The following GFM1 variants were observed in gnomAD, a reference collection of about 807,000 sequenced individuals.
GFM1 encodes the protein elongation factor G, mitochondrial.
A neutral mutation model predicts 96.2 loss-of-function variants in GFM1; 62 were observed. That is an observed-to-expected ratio of 0.64 (90% CI 0.53 to 0.80). The LOEUF (loss-of-function observed/expected upper bound fraction) is 0.80, where lower values mean the gene tolerates loss of function less well. Among genes scored for constraint, GFM1 ranks in the 30% least tolerant of loss-of-function variants. The pLI, the probability that GFM1 is intolerant of heterozygous loss-of-function variation, is 0.00. For synonymous variants in GFM1, 282 were observed against 312.9 expected (o/e 0.90, Z 1.04); for missense variants, 852 against 916.6 (o/e 0.93, Z 0.91).
intron 13 of GFM1, among the ~76,000 whole-genome samples, chr3:158,669,870 T>C (rs1041417295): frequency 6.6e-6 from 1 of 152,180 alleles, no homozygotes; most frequent in African/African-American, 2.4e-5. Context: ...AAACTTTCAG[T>C]ATATTTCAGT....
At chr3:158,655,062 T>C (rs776330588) in intron 8 of GFM1, among the ~76,000 whole-genome samples, 1 of 152,182 alleles carries the variant, frequency 6.6e-6, no homozygotes, top group Non-Finnish European at 1.5e-5. Flanking sequence ...TAACATTGGG[T>C]CCATTTCTAG....
At chr3:158,647,645 C>T (rs922209392) in intron 4 of GFM1, among the ~76,000 whole-genome samples, 2 of 152,126 alleles carry the variant, frequency 1.3e-5, no homozygotes, top group Non-Finnish European at 2.9e-5. Flanking sequence ...GACAAAAAAT[C>T]TGATGGAAGT....
At position 158,644,604 on chromosome 3, in the gene GFM1, A is replaced by G. The variant is rs28372853; in HGVS notation, c.-31A>G. On this transcript the variant is annotated 5_prime_UTR_variant, in exon 1 of 18. Coordinates refer to ENST00000486715, the MANE Select transcript of GFM1 (RefSeq NM_024996.7). ...CCGGCAGCTGAACCCACCCGGCGCC[A>G]CGGGACTTTGACGCGTGCTCTGCGC... 3.0e-3 allele frequency: 4,649 copies of G among 1,550,486 alleles called. 91 individuals carry two copies. In the East Asian group the frequency reaches 0.051, roughly 17 times the overall value.
Position 158,675,587 on chromosome 3 carries a change from A to G in GFM1, c.1602-6408A>G, listed in dbSNP as rs371955785. Reference sequence around the variant, plus strand: ...ATATATTGATCAAATGGGCCAAACAAGTTACTGATTCAATCAGTTGTATAA... The same window carrying G: ...ATATATTGATCAAATGGGCCAAACAGGTTACTGATTCAATCAGTTGTATAA... On this transcript the variant is annotated intron_variant, in intron 13 of 17. Transcript: ENST00000486715. Among the ~76,000 whole-genome samples, 72 of 152,218 alleles carry G rather than the reference A, an allele frequency of 4.7e-4. No individual in the cohort carries two copies. The South Asian group carries it at 0.012, about 25-fold the overall frequency.
At chr3:158,677,773 A>G (rs1462553726) in intron 13 of GFM1, among the ~76,000 whole-genome samples, 2 of 152,238 alleles carry the variant, frequency 1.3e-5, no homozygotes, top group Non-Finnish European at 2.9e-5. Context: ...AAGTGCTGGG[A>G]TTACAGGCAT....
intron 8 of GFM1, chr3:158,656,278 C>G (rs1722751443): frequency 5.6e-6 from 1 of 179,066 alleles, no homozygotes; most frequent in African/African-American, 2.4e-5. Context: ...CTCAGCCTCC[C>G]AAGTAGCTGG....
At chr3:158,653,796 C>A (rs1023124017) in intron 7 of GFM1, among the ~76,000 whole-genome samples, 4 of 151,874 alleles carry the variant, frequency 2.6e-5, no homozygotes, top group Non-Finnish European at 5.9e-5. Flanking sequence ...TTCTGCCAGG[C>A]GCAGTGGCTC....
intron 15 of GFM1, among the ~76,000 whole-genome samples, chr3:158,686,449 A>T (rs1429533985): frequency 6.7e-6 from 1 of 149,482 alleles, no homozygotes; most frequent in East Asian, 1.9e-4. Context: ...CTTGGATGCA[A>T]TGCACCATCC....
chr3:158,649,093 G>A lies in GFM1; in HGVS notation c.625G>A (p.Gly209Ser). 1 of 1,580,554 alleles carries A rather than the reference G, an allele frequency of 6.3e-7. No homozygotes were observed. The highest frequency in any genetic ancestry group is 1.1e-5 in the South Asian group (1 of 90,308). Residue 209 changes from glycine (G) to serine (S), a missense_variant, in exon 5 of 18, where the codon GGT becomes AGT. Physicochemically the swap from Gly to Ser is moderately conservative, Grantham distance 56. Coordinates refer to ENST00000486715, the MANE Select transcript of GFM1 (RefSeq NM_024996.7). ...TATGCAGATACCCATGGGTTTGGAG[G>A]GTAATTTTAAAGGTATTGTAGATCT... ...AFMQIPMGLE[G>S]NFKGIVDLIE...
chr3:158,646,136 A>AT (rs767937072), intron 2 of GFM1, 29 bp from the exon 3 acceptor site: 104 of 1,613,842 alleles, frequency 6.4e-5, no homozygotes, highest in Non-Finnish European at 8.7e-5. Flanking sequence ...AGGGACAGAG[A>AT]AAGTCTGAAT....
At chr3:158,673,513 T>TC (rs199664284) in intron 13 of GFM1, among the ~76,000 whole-genome samples, 106 of 105,562 alleles carry the variant, frequency 1.0e-3, no homozygotes, top group East Asian at 5.3e-3. Flanking sequence ...CTTTTCTTTT[T>TC]TTTTTTTTTT....
chr3:158,654,903 T>C (rs901875247), intron 8 of GFM1, among the ~76,000 whole-genome samples: 1 of 152,192 alleles, frequency 6.6e-6, no homozygotes, highest in African/African-American at 2.4e-5. Flanking sequence ...TTATTTAATG[T>C]CACAGTAGAT....
At chr3:158,671,103 G>A (rs1724247744) in intron 13 of GFM1, 6 of 1,340,240 alleles carry the variant, frequency 4.5e-6, no homozygotes, top group Admixed American at 3.2e-5. Flanking sequence ...ATCTCATTTG[G>A]TTGGAGGGGC....
chr3:158,650,085 G>C, intron 5 of GFM1: 1 of 1,518,908 alleles, frequency 6.6e-7, no homozygotes, highest in Non-Finnish European at 8.8e-7. Flanking sequence ...ATTGTGATCA[G>C]TGAACTATAG....
intron 13 of GFM1, among the ~76,000 whole-genome samples, chr3:158,675,870 A>C (rs1332372879): frequency 2.0e-5 from 3 of 152,194 alleles, no homozygotes; most frequent in African/African-American, 7.2e-5. Context: ...TTATTCTTAT[A>C]CATTATAAAA....
chr3:158,694,336 A>C lies in GFM1; in HGVS notation c.*2869A>C, dbSNP rs1215521622. ...TCATCAAACTAACATAGGAAAAGAAAACCAAATACTGCATGTTCTCACTTA... is the reference window on the plus strand; with the variant it reads ...TCATCAAACTAACATAGGAAAAGAACACCAAATACTGCATGTTCTCACTTA... On this transcript the variant is annotated 3_prime_UTR_variant, in exon 18 of 18. Coordinates refer to ENST00000486715, the MANE Select transcript of GFM1 (RefSeq NM_024996.7). Among the ~76,000 whole-genome samples, 1 of 152,210 alleles carries C rather than the reference A, an allele frequency of 6.6e-6. No individual in the cohort carries two copies. Among genetic ancestry groups the C allele is most frequent in the Non-Finnish European group, 1.5e-5 (1 of 68,038 alleles).
intron 15 of GFM1, among the ~76,000 whole-genome samples, chr3:158,689,516 A>T (rs968344428): frequency 6.6e-6 from 1 of 152,170 alleles, no homozygotes; most frequent in Non-Finnish European, 1.5e-5. Context: ...TGTGACAAAA[A>T]TTATTTTCTT....
Position 158,670,219 on chromosome 3 carries a change from G to C in GFM1, c.1601+3833G>C, listed in dbSNP as rs188777814. Among the ~76,000 whole-genome samples the C allele has an allele frequency of 1.1e-3, 167 of 152,278 alleles. 2 individuals carry two copies. The highest frequency in any genetic ancestry group is 0.011 in the Admixed American group (167 of 15,300). Reference sequence around the variant, plus strand: ...TTTAAGTTTGTCTCATTAATAATTTGACAGTTGTGTATAATCTTTAAAATT... The same window carrying C: ...TTTAAGTTTGTCTCATTAATAATTTCACAGTTGTGTATAATCTTTAAAATT... On this transcript the variant is annotated intron_variant, in intron 13 of 17. Coordinates refer to ENST00000486715, the MANE Select transcript of GFM1 (RefSeq NM_024996.7).
At position 158,644,598 on chromosome 3, in the gene GFM1, G is replaced by A. The variant is rs745780647; in HGVS notation, c.-37G>A. ...GCGTTACCGGCAGCTGAACCCACCCGGCGCCACGGGACTTTGACGCGTGCT... is the reference window on the plus strand; with the variant it reads ...GCGTTACCGGCAGCTGAACCCACCCAGCGCCACGGGACTTTGACGCGTGCT... On this transcript the variant is annotated 5_prime_UTR_variant, in exon 1 of 18. Transcript: ENST00000486715. The A allele has an allele frequency of 8.4e-6, 13 of 1,539,196 alleles. No individual in the cohort carries two copies. In the African/African-American group the frequency reaches 1.5e-4, roughly 18 times the overall value.
Sources: gnomAD v4.1 joint callset for allele counts (sites outside exome capture counted in the v4.1 genomes callset) on GRCh38, gnomAD v4.1.1 for gene constraint, MANE v1.5 for transcripts, NCBI Gene and HGNC (gene_info 2026-07-23, HGNC 2026-07-21) for gene names.